The following SLC6A2 variants were observed in gnomAD, a reference collection of about 807,000 sequenced individuals.
SLC6A2 encodes the protein sodium-dependent noradrenaline transporter.
Under a neutral mutation model 71.7 loss-of-function variants are expected in SLC6A2, and 26 were observed. That is an observed-to-expected ratio of 0.36 (90% CI 0.27 to 0.50). The LOEUF is 0.50. Ranked by LOEUF, SLC6A2 falls within the 20% of genes least tolerant of loss-of-function variation. SLC6A2 has a pLI of 0.96. For synonymous variants in SLC6A2, 363 were observed against 337.9 expected (o/e 1.07, Z -0.82); for missense variants, 581 against 803.9 (o/e 0.72, Z 3.35).
At chr16:55,664,144 G>A (rs186604577) in intron 2 of SLC6A2, among the ~76,000 whole-genome samples, 13 of 152,040 alleles carry the variant, frequency 8.6e-5, no homozygotes, top group South Asian at 8.3e-4. Context: ...AAATGTCTGA[G>A]GGGCCATCTC....
chr16:55,658,056 T>A (rs1433740557), intron 2 of SLC6A2, among the ~76,000 whole-genome samples: 5 of 152,148 alleles, frequency 3.3e-5, no homozygotes, highest in African/African-American at 1.2e-4. Flanking sequence ...TGGCGGTAGC[T>A]GTGACTCTGG....
In SLC6A2 at chr16:55,663,720, T is replaced by C. The variant is rs143068916; in HGVS notation, c.275-5845T>C. The stretch of plus-strand genomic sequence containing the variant: ...AATACCAATAGCCCTTGTTGTAACA[T>C]TGGGGCACGTTAGGCCTCAGAAAAC... On this transcript the variant is annotated intron_variant, in intron 2 of 14. Transcript: ENST00000568943. Among the ~76,000 whole-genome samples, 62 of 152,310 alleles carry C rather than the reference T, an allele frequency of 4.1e-4. No individual in the cohort carries two copies. In the East Asian group the frequency reaches 0.011, roughly 27 times the overall value.
intron 2 of SLC6A2, among the ~76,000 whole-genome samples, chr16:55,666,250 G>A (rs1420903992): frequency 6.6e-6 from 1 of 152,238 alleles, no homozygotes; most frequent in Non-Finnish European, 1.5e-5. Context: ...AGATGGAGCA[G>A]GACCACACAA....
chr16:55,691,879 C>T (rs1035747929), intron 5 of SLC6A2, 39 bp from the exon 6 acceptor site: 11 of 1,612,620 alleles, frequency 6.8e-6, no homozygotes, highest in Non-Finnish European at 9.3e-6. Flanking sequence ...GGGATTGGGG[C>T]CAGAGCGAGG....
At chr16:55,682,915 C>T (rs745735777) in intron 4 of SLC6A2, among the ~76,000 whole-genome samples, 10 of 152,160 alleles carry the variant, frequency 6.6e-5, no homozygotes, top group Non-Finnish European at 1.5e-4. Flanking sequence ...TGCAGTGTTG[C>T]CTCCCATGCT....
intron 4 of SLC6A2, among the ~76,000 whole-genome samples, chr16:55,678,925 A>C (rs1005352289): frequency 2.0e-5 from 3 of 152,196 alleles, no homozygotes; most frequent in Admixed American, 2.0e-4. Flanking sequence ...TTGGGAGTCC[A>C]GATCTTTTCA....
At chr16:55,693,971 A>G (rs1597006443) in intron 6 of SLC6A2, 39 bp from the exon 7 acceptor site, 1 of 1,322,408 alleles carries the variant, frequency 7.6e-7, no homozygotes, top group Non-Finnish European at 1.1e-6. Context: ...CCAGTGTTGT[A>G]GGAAGCAGAG....
rs992497934 is a variant in SLC6A2 at position 55,704,661 on chromosome 16, C to G, written c.*2315C>G. On this transcript the variant is annotated 3_prime_UTR_variant, in exon 15 of 15. Coordinates refer to ENST00000568943, the MANE Select transcript of SLC6A2 (RefSeq NM_001172501.3). ...AAATGAGAGCAAACAGTCAGCAAAGCCTTTTGCATTAGAGCAGGGTCGTGC... is the reference window on the plus strand; with the variant it reads ...AAATGAGAGCAAACAGTCAGCAAAGGCTTTTGCATTAGAGCAGGGTCGTGC... 5.9e-5 allele frequency: 9 copies of G among 152,284 alleles called. No homozygotes were observed. The highest frequency in any genetic ancestry group is 1.9e-4 in the African/African-American group (8 of 41,458). 9.4% of individuals were successfully genotyped at this position (152,284 alleles called of 1,614,324 possible).
Position 55,669,694 on chromosome 16 carries a change from A to G in SLC6A2, c.404A>G (p.Lys135Arg). The G allele has an allele frequency of 6.2e-7, 1 of 1,614,158 alleles. No individual in the cohort carries two copies. The highest frequency in any genetic ancestry group is 8.5e-7 in the Non-Finnish European group (1 of 1,180,010). ...ATVWKICPFF[K>R]GVGYAVILIA... ...GTTTGGAAAATCTGCCCATTCTTCA[A>G]AGGTAAAGAAGGGGTGGGAGAAAGT... The change falls in exon 3 of 15, where the codon AAA becomes AGA. Residue 135 changes from lysine (K) to arginine (R), a missense_variant and splice_region_variant. Coordinates refer to ENST00000568943, the MANE Select transcript of SLC6A2 (RefSeq NM_001172501.3).
chr16:55,661,823 TC>T (rs1964618910), intron 2 of SLC6A2, among the ~76,000 whole-genome samples: 1 of 152,172 alleles, frequency 6.6e-6, no homozygotes, highest in Non-Finnish European at 1.5e-5. Flanking sequence ...CTCTCTCCTC[TC>T]CCCAAGGAAG....
At chr16:55,669,737 G>T (rs760755988) in intron 3 of SLC6A2, 41 bp downstream of exon 3, 5 of 1,612,224 alleles carry the variant, frequency 3.1e-6, no homozygotes, top group South Asian at 1.1e-5. Context: ...GTTCATAAAG[G>T]CTTCCCTGTT....
rs758522765 is a variant in SLC6A2, at chr16:55,700,141, C to T, written c.1593C>T (p.Phe531=). ...WKFVSPAFLL[F]VVVVSIINFK... ...CTCCCTTCTCTGCCCATCTCTAGTT[C>T]GTGGTTGTGGTCAGCATCATCAACT... Residue 531 remains phenylalanine, a splice_region_variant and synonymous_variant, in exon 13 of 15, where the codon TTC becomes TTT. Transcript: ENST00000568943. 40 of 1,613,544 alleles carry T rather than the reference C, an allele frequency of 2.5e-5. No individual in the cohort carries two copies. The highest frequency in any genetic ancestry group is 1.7e-4 in the Admixed American group (10 of 59,996).
intron 12 of SLC6A2, 109 bp downstream of exon 12, chr16:55,699,763 G>T: frequency 1.2e-6 from 1 of 819,954 alleles, no homozygotes; most frequent in Non-Finnish European, 2.1e-6. Context: ...GGATCCAGAG[G>T]CCCTGGTCAT....
chr16:55,699,923 T>C (rs1376486491), intron 12 of SLC6A2, among the ~76,000 whole-genome samples: 1 of 152,158 alleles, frequency 6.6e-6, no homozygotes, highest in Non-Finnish European at 1.5e-5. Flanking sequence ...TTGCTCCCTG[T>C]CATATCTGCC....
intron 4 of SLC6A2, among the ~76,000 whole-genome samples, chr16:55,676,366 G>A (rs1356690638): frequency 6.6e-6 from 1 of 152,136 alleles, no homozygotes; most frequent in Non-Finnish European, 1.5e-5. Flanking sequence ...CCCACCTAAT[G>A]AGGTTTTTGT....
chr16:55,675,308 G>T (rs920331516), intron 4 of SLC6A2, among the ~76,000 whole-genome samples: 1 of 152,178 alleles, frequency 6.6e-6, no homozygotes, highest in Admixed American at 6.5e-5. Context: ...TACAACTTGT[G>T]GGGCAGACAG....
intron 3 of SLC6A2, 31 bp downstream of exon 3, chr16:55,669,727 G>T: frequency 6.2e-7 from 1 of 1,613,546 alleles, no homozygotes; most frequent in Non-Finnish European, 8.5e-7. Flanking sequence ...AGTCACGGTT[G>T]TTCATAAAGG....
chr16:55,702,608 G>T lies in SLC6A2; in HGVS notation c.*262G>T, dbSNP rs1475524661. 11 of 1,400,918 alleles carry T rather than the reference G, an allele frequency of 7.9e-6. No individual in the cohort carries two copies. 86.8% of individuals were successfully genotyped at this position (1,400,918 alleles called of 1,614,324 possible). A position where few individuals can be genotyped will look rare whatever the true frequency, so the allele number is the denominator to read the frequency against. ...TTCTGTCCCCGCTGTTTTGGGGGAA[G>T]TCTCTCCCACTTTGGGATCCTGCTG... On this transcript the variant is annotated 3_prime_UTR_variant, in exon 15 of 15. Transcript: ENST00000568943.
intron 5 of SLC6A2, among the ~76,000 whole-genome samples, chr16:55,686,062 G>C (rs991233150): frequency 6.6e-6 from 1 of 152,182 alleles, no homozygotes; most frequent in African/African-American, 2.4e-5. Context: ...CAGTGTTGTG[G>C]TGAGCTAATG....
Sources: gnomAD v4.1 joint callset for allele counts (sites outside exome capture counted in the v4.1 genomes callset) on GRCh38, gnomAD v4.1.1 for gene constraint, MANE v1.5 for transcripts, NCBI Gene and HGNC (gene_info 2026-07-23, HGNC 2026-07-21) for gene names.